Variants in SDK1 observed in about 807,000 individuals in gnomAD.
SDK1 encodes protein sidekick-1.
SDK1 carries 157 observed loss-of-function variants against 245.5 expected under a neutral mutation model. That is an observed-to-expected ratio of 0.64 (90% CI 0.56 to 0.73). The LOEUF (loss-of-function observed/expected upper bound fraction) is 0.73. Among genes scored for constraint, SDK1 ranks in the 30% least tolerant of loss-of-function variants. The pLI is 0.00. For synonymous variants in SDK1, 1,647 were observed against 1,278.5 expected, an observed-to-expected ratio of 1.29 and a Z score of -6.15; for missense variants, 3,583 against 3,002.3, an observed-to-expected ratio of 1.19 and a Z score of -4.52.
chr7:4,106,828 C>A (rs532579309), intron 22 of SDK1, among the ~76,000 whole-genome samples: 135 of 151,992 alleles, frequency 8.9e-4, no homozygotes, highest in African/African-American at 3.1e-3. Flanking sequence ...AATCCCAGAG[C>A]TACTGCCCTG....
At chr7:3,826,265 G>C (rs527552591) in intron 5 of SDK1, among the ~76,000 whole-genome samples, 1 of 152,206 alleles carries the variant, frequency 6.6e-6, no homozygotes, top group Admixed American at 6.5e-5. Flanking sequence ...CCATCAGACA[G>C]AAGAGAGGAC....
intron 7 of SDK1, among the ~76,000 whole-genome samples, chr7:3,955,574 G>A (rs570424768): frequency 1.3e-5 from 2 of 152,322 alleles, no homozygotes; most frequent in South Asian, 4.1e-4. Context: ...GGACTAGCGT[G>A]CAGTGCAGGC....
chr7:3,957,193 A>G (rs1038548656), intron 7 of SDK1, among the ~76,000 whole-genome samples: 8 of 152,196 alleles, frequency 5.3e-5, no homozygotes, highest in African/African-American at 1.7e-4. Context: ...GCTCCTGGTC[A>G]TGGAAGGCAA....
chr7:4,168,086 G>A (rs1446403613), intron 32 of SDK1, among the ~76,000 whole-genome samples: 1 of 152,208 alleles, frequency 6.6e-6, no homozygotes, highest in African/African-American at 2.4e-5. Flanking sequence ...GTGCAGGCAG[G>A]CCCGGGCATC....
At chr7:3,784,583 A>G (rs1316293729) in intron 4 of SDK1, among the ~76,000 whole-genome samples, 1 of 152,242 alleles carries the variant, frequency 6.6e-6, no homozygotes, top group African/African-American at 2.4e-5. Flanking sequence ...AAGAAGACAT[A>G]CAAATGGCTG....
intron 5 of SDK1, among the ~76,000 whole-genome samples, chr7:3,924,867 A>T (rs1001955960): frequency 6.6e-6 from 1 of 151,902 alleles, no homozygotes; most frequent in Non-Finnish European, 1.5e-5. Context: ...TGCTGCCTTC[A>T]TGGTGGACGA....
At chr7:3,850,648 A>G (rs970765069) in intron 5 of SDK1, among the ~76,000 whole-genome samples, 2 of 152,230 alleles carry the variant, frequency 1.3e-5, no homozygotes, top group South Asian at 4.1e-4. Context: ...AAAATGTGGC[A>G]CATATACACC....
Position 3,821,312 on chromosome 7 carries a change from C to G in SDK1, c.714-138C>G. The G allele has an allele frequency of 3.2e-6, 3 of 927,176 alleles. No individual in the cohort carries two copies. The East Asian group carries it at 8.0e-5, about 25-fold the overall frequency. 57.4% of individuals were successfully genotyped at this position (927,176 alleles called of 1,614,324 possible). A position where few individuals can be genotyped will look rare whatever the true frequency, so the allele number is the denominator to read the frequency against. On this transcript the variant is annotated intron_variant, in intron 4 of 44. Coordinates refer to ENST00000404826, the MANE Select transcript of SDK1 (RefSeq NM_152744.4). The stretch of plus-strand genomic sequence containing the variant: ...GGCGTTGTCGTATTCTTAAAGTCGG[C>G]CTGTGTATTGTTTTTGTCCTTCCAG...
At chr7:3,913,987 G>C (rs989211820) in intron 5 of SDK1, among the ~76,000 whole-genome samples, 5 of 152,152 alleles carry the variant, frequency 3.3e-5, no homozygotes, top group African/African-American at 1.2e-4. Context: ...TTCCCTGATG[G>C]TGCCTGCTTT....
chr7:3,989,064 A>G (rs1784091356), intron 14 of SDK1, among the ~76,000 whole-genome samples: 1 of 152,148 alleles, frequency 6.6e-6, no homozygotes, highest in Admixed American at 6.5e-5. Flanking sequence ...GTCCAGTTTA[A>G]CCTTTTAATA....
At chr7:3,484,881 TTTTG>T (rs1465381312) in intron 1 of SDK1, among the ~76,000 whole-genome samples, 1 of 152,234 alleles carries the variant, frequency 6.6e-6, no homozygotes, top group African/African-American at 2.4e-5. Flanking sequence ...GCATAACATA[TTTTG>T]TTTGTTCATT....
intron 30 of SDK1, among the ~76,000 whole-genome samples, chr7:4,156,748 C>G (rs1387251271): frequency 2.0e-5 from 3 of 152,190 alleles, no homozygotes; most frequent in Non-Finnish European, 2.9e-5. Context: ...GCATGGAGCT[C>G]TTGTTGGCTG....
At chr7:4,020,724 G>T (rs943667922) in intron 17 of SDK1, among the ~76,000 whole-genome samples, 15 of 152,174 alleles carry the variant, frequency 9.9e-5, no homozygotes, top group African/African-American at 3.1e-4. Flanking sequence ...CCCCCAGAAA[G>T]AGCCCTTCCT....
intron 1 of SDK1, among the ~76,000 whole-genome samples, chr7:3,433,326 A>G (rs1779922650): frequency 6.6e-6 from 1 of 152,174 alleles, no homozygotes; most frequent in Non-Finnish European, 1.5e-5. Flanking sequence ...GTTAGTTGAT[A>G]TTTGGTTTAG....
chr7:4,107,133 G>C (rs1413894902), intron 22 of SDK1, among the ~76,000 whole-genome samples: 1 of 141,906 alleles, frequency 7.0e-6, no homozygotes, highest in Non-Finnish European at 1.5e-5. Flanking sequence ...GGTGGGGAGG[G>C]TGGGGAGGGT....
intron 1 of SDK1, among the ~76,000 whole-genome samples, chr7:3,445,200 A>T (rs1353002531): frequency 6.6e-6 from 1 of 152,232 alleles, no homozygotes; most frequent in East Asian, 1.9e-4. Flanking sequence ...CAAACAATAT[A>T]TTCTTTTAAG....
intron 5 of SDK1, among the ~76,000 whole-genome samples, chr7:3,826,242 T>C (rs767962249): frequency 1.3e-5 from 2 of 152,162 alleles, no homozygotes; most frequent in Non-Finnish European, 2.9e-5. Context: ...TACTTATCAA[T>C]TCTAAGCATT....
chr7:4,268,617 A>G lies in SDK1; in HGVS notation c.*3233A>G, dbSNP rs374155842. Reference sequence around the variant, plus strand: ...TATCTAACTGTGACTGGGCTGAAGCATGATGTTTGCCTAATGGTTCGTAGC... The same window carrying G: ...TATCTAACTGTGACTGGGCTGAAGCGTGATGTTTGCCTAATGGTTCGTAGC... On this transcript the variant is annotated 3_prime_UTR_variant, in exon 45 of 45. Transcript: ENST00000404826. 635 of 1,367,234 alleles carry G rather than the reference A, an allele frequency of 4.6e-4. 3 individuals are homozygous for G. In the African/African-American group the frequency reaches 8.6e-3, roughly 18 times the overall value. 84.7% of individuals were successfully genotyped at this position (1,367,234 alleles called of 1,614,324 possible).
At chr7:4,214,695 G>T (rs138589723) in intron 38 of SDK1, among the ~76,000 whole-genome samples, 1 of 152,320 alleles carries the variant, frequency 6.6e-6, no homozygotes, top group South Asian at 2.1e-4. Context: ...CCAGACTTCG[G>T]ATTCCTGCAC....
Sources: gnomAD v4.1 joint callset for allele counts (sites outside exome capture counted in the v4.1 genomes callset) on GRCh38, gnomAD v4.1.1 for gene constraint, MANE v1.5 for transcripts, NCBI Gene and HGNC (gene_info 2026-07-23, HGNC 2026-07-21) for gene names.